The following CD300E variants were observed in gnomAD, a reference collection of about 807,000 sequenced individuals.
CD300E encodes CD300e molecule, also known as CMRF35-like molecule 2.
In CD300E, 14 loss-of-function variants were observed where a neutral mutation model predicts 20.9. The ratio of observed to expected loss-of-function variants is 0.67; its 90% CI spans 0.44 to 1.05. The LOEUF (loss-of-function observed/expected upper bound fraction) is 1.05, where lower values mean the gene tolerates loss of function less well. CD300E is among the 50% of genes least tolerant of loss of function. The pLI is 0.00. For missense variants in CD300E, 237 were observed against 253.9 expected (o/e 0.93, Z 0.45); for synonymous variants, 102 against 103.7 (o/e 0.98, Z 0.10).
chr17:74,622,782 C>T (rs1435563527), intron 1 of CD300E, among the ~76,000 whole-genome samples: 1 of 151,858 alleles, frequency 6.6e-6, no homozygotes, highest in Non-Finnish European at 1.5e-5. Context: ...TCACCCAGGC[C>T]AGACTGCTGC....
intron 1 of CD300E, among the ~76,000 whole-genome samples, chr17:74,618,527 A>C (rs986077629): frequency 2.0e-5 from 3 of 152,104 alleles, no homozygotes; most frequent in Non-Finnish European, 2.9e-5. Context: ...TCCTATGACT[A>C]TCTGGGCTCC....
Position 74,623,588 on chromosome 17 carries a change from G to T in CD300E, c.34C>A (p.Leu12Ile). ...WLLPALLLLC[L>I]SGCLSLKGPG... is the part of the protein sequence containing the mutation. ...AAGCCACAGCCCCACTCACCTGAGA[G>T]GCAGAGAAGGAGTAGAGCTGGGAGC... Residue 12 changes from leucine to isoleucine, a missense_variant, in exon 1 of 4, where the codon CTC becomes ATC. Coordinates refer to ENST00000392619, the MANE Select transcript of CD300E (RefSeq NM_181449.3). 11 of 1,614,174 alleles carry T rather than the reference G, an allele frequency of 6.8e-6. No homozygotes were observed. The highest frequency in any genetic ancestry group is 9.3e-6 in the Non-Finnish European group (11 of 1,180,026).
chr17:74,622,458 C>G (rs1324096802), intron 1 of CD300E, among the ~76,000 whole-genome samples: 1 of 152,042 alleles, frequency 6.6e-6, no homozygotes, highest in African/African-American at 2.4e-5. Flanking sequence ...GTCATTTTCA[C>G]TCACCCTTCT....
At chr17:74,616,746 AAAC>A (rs1354482757) in intron 2 of CD300E, among the ~76,000 whole-genome samples, 2 of 152,196 alleles carry the variant, frequency 1.3e-5, no homozygotes, top group Non-Finnish European at 2.9e-5. Flanking sequence ...ACATATTTCA[AAAC>A]AACATGGTAG....
chr17:74,616,416 C>CA (rs1279702895), intron 2 of CD300E, among the ~76,000 whole-genome samples: 1 of 152,074 alleles, frequency 6.6e-6, no homozygotes, highest in Non-Finnish European at 1.5e-5. Flanking sequence ...TCAAGGAACC[C>CA]AAGGCAAGAT....
rs1456774772 is a variant in CD300E, at chr17:74,612,551, C to T, written c.*102G>A. 14 of 1,475,266 alleles carry T rather than the reference C, an allele frequency of 9.5e-6. No homozygotes were observed. Among genetic ancestry groups the T allele is most frequent in the African/African-American group, 1.4e-5 (1 of 71,574 alleles). 91.4% of individuals were successfully genotyped at this position (1,475,266 alleles called of 1,614,324 possible). A position where few individuals can be genotyped will look rare whatever the true frequency, so the allele number is the denominator to read the frequency against. On this transcript the variant is annotated 3_prime_UTR_variant, in exon 4 of 4. Transcript: ENST00000392619. The stretch of plus-strand genomic sequence containing the variant: ...TTTGAGGCACAGGAACAATAAATCC[C>T]TCCAGAGTCCACAGGTCTCTCGCAT...
chr17:74,610,377 T>C lies in CD300E; in HGVS notation c.*2276A>G, dbSNP rs1414746146. 6.6e-6 allele frequency: 1 copy of C among 152,298 alleles called. No individual in the cohort carries two copies. Among genetic ancestry groups the C allele is most frequent in the Non-Finnish European group, 1.5e-5 (1 of 68,124 alleles). 9.4% of individuals were successfully genotyped at this position (152,298 alleles called of 1,614,324 possible). A position where few individuals can be genotyped will look rare whatever the true frequency, so the allele number is the denominator to read the frequency against. The stretch of plus-strand genomic sequence containing the variant: ...GTTCCAGTTAATCTCTCTACACACA[T>C]TCCTCTCCAGCCCTCAACACTCTGC... On this transcript the variant is annotated 3_prime_UTR_variant, in exon 4 of 4. Transcript: ENST00000392619.
intron 1 of CD300E, among the ~76,000 whole-genome samples, chr17:74,618,720 C>T (rs1056663488): frequency 2.6e-5 from 4 of 152,112 alleles, no homozygotes; most frequent in Non-Finnish European, 5.9e-5. Flanking sequence ...CCTTCCTCAC[C>T]CCACCAACCA....
At chr17:74,612,844 C>A in intron 3 of CD300E, 71 bp from the exon 4 acceptor site, 1 of 1,577,024 alleles carries the variant, frequency 6.3e-7, no homozygotes, top group Non-Finnish European at 8.6e-7. Flanking sequence ...CCCCACCTCT[C>A]CCCATGCTCT....
rs749422503 is a variant in CD300E at position 74,617,235 on chromosome 17, T to C, written c.271A>G (p.Met91Val). 6.2e-7 allele frequency: 1 copy of C among 1,614,096 alleles called. No individual in the cohort carries two copies. Among genetic ancestry groups the C allele is most frequent in the African/African-American group, 1.3e-5 (1 of 74,934 alleles). The part of the protein sequence containing the change: ...HPEALAFTVT[M>V]QNLNEDDAGS... ...GCATCATCTTCATTGAGGTTCTGCA[T>C]GGTCACAGTGAAGGCGAGAGCCTCC... Residue 91 changes from methionine to valine, a missense_variant, in exon 2 of 4, where the codon ATG (methionine) becomes GTG (valine). Physicochemically the swap from Met to Val is conservative, Grantham distance 21. Transcript: ENST00000392619.
At chr17:74,620,766 C>T (rs1172890443) in intron 1 of CD300E, among the ~76,000 whole-genome samples, 1 of 152,112 alleles carries the variant, frequency 6.6e-6, no homozygotes, top group African/African-American at 2.4e-5. Context: ...AGCAAGGCAA[C>T]TTGCAGAGGG....
intron 2 of CD300E, among the ~76,000 whole-genome samples, chr17:74,615,048 C>A (rs1343364027): frequency 1.3e-5 from 2 of 152,208 alleles, no homozygotes; most frequent in Non-Finnish European, 2.9e-5. Context: ...TGAGCCCCAC[C>A]CCGTTGGAGG....
chr17:74,617,520 C>T (rs2030930944), intron 1 of CD300E, 55 bp from the exon 2 acceptor site: 3 of 1,465,582 alleles, frequency 2.0e-6, no homozygotes, highest in African/African-American at 1.4e-5. Context: ...CCATCAGCAG[C>T]CGTCTGTCTG....
chr17:74,617,561 T>C, intron 1 of CD300E, 96 bp from the exon 2 acceptor site: 1 of 1,078,374 alleles, frequency 9.3e-7, no homozygotes. Flanking sequence ...CAGGGAGACC[T>C]GGGTGTTTCC....
intron 1 of CD300E, among the ~76,000 whole-genome samples, chr17:74,620,265 A>G (rs1236286398): frequency 6.6e-6 from 1 of 152,184 alleles, no homozygotes; most frequent in Non-Finnish European, 1.5e-5. Flanking sequence ...AGAGGTCAGG[A>G]GTTCGAAACC....
intron 1 of CD300E, among the ~76,000 whole-genome samples, chr17:74,621,845 C>T (rs973822408): frequency 2.0e-5 from 3 of 152,184 alleles, no homozygotes; most frequent in African/African-American, 4.8e-5. Flanking sequence ...GGAGTCAATG[C>T]TATTTGCCCT....
At chr17:74,617,035 G>A (rs559531253) in intron 2 of CD300E, 83 bp downstream of exon 2, 5 of 1,167,556 alleles carry the variant, frequency 4.3e-6, no homozygotes, top group Non-Finnish European at 6.3e-6. Context: ...AGACTTGGAC[G>A]CACACTTCAG....
intron 1 of CD300E, chr17:74,619,084 A>G: frequency 4.2e-6 from 2 of 470,908 alleles, no homozygotes. Flanking sequence ...GAGATTTGAG[A>G]GCTGGTCCTC....
rs771662321 is a variant in CD300E at position 74,623,565 on chromosome 17, G to A, written c.40+17C>T. 2 of 1,613,828 alleles carry A rather than the reference G, an allele frequency of 1.2e-6. No individual in the cohort carries two copies. The highest frequency in any genetic ancestry group is 2.2e-5 in the East Asian group (1 of 44,870). On this transcript the variant is annotated intron_variant, in intron 1 of 3. Transcript: ENST00000392619. ...CCCCCTGCAAAACCAAGTCCCCAAA[G>A]CCACAGCCCCACTCACCTGAGAGGC...
Sources: gnomAD v4.1 joint callset for allele counts (sites outside exome capture counted in the v4.1 genomes callset) on GRCh38, gnomAD v4.1.1 for gene constraint, MANE v1.5 for transcripts, NCBI Gene and HGNC (gene_info 2026-07-23, HGNC 2026-07-21) for gene names.